XG: variants seen among roughly 807,000 people sequenced by gnomAD.
The protein encoded by XG is glycoprotein Xg.
In XG, 24 loss-of-function variants were observed where a neutral mutation model predicts 25.7. The observed-to-expected ratio is 0.93, with a 90% CI of 0.68 to 1.31. The LOEUF (loss-of-function observed/expected upper bound fraction) is 1.31, where lower values mean the gene tolerates loss of function less well. Among genes scored for constraint, XG ranks in the 40% most tolerant of loss-of-function variants. The pLI, the probability that XG is intolerant of heterozygous loss-of-function variation, is 0.00. For missense variants in XG, 181 were observed against 187.6 expected (o/e 0.96, Z 0.21); for synonymous variants, 77 against 69.2 (o/e 1.11, Z -0.56).
In XG at chrX:2,752,302, C is replaced by CT; in HGVS notation, c.30dup (p.Ala11CysfsTer16). ...GGAGAGCTGGTGGGGACTTCCCTGT[C>CT]TTGCGTTCCTGTGTTTTCTAATGCA... On this transcript the variant is annotated frameshift_variant, in exon 1 of 11. Transcript: ENST00000644266. LOFTEE classifies it high-confidence loss of function. The CT allele has an allele frequency of 1.2e-6, 2 of 1,613,778 alleles. No homozygotes were observed. The highest frequency in any genetic ancestry group is 1.7e-4 in the Middle Eastern group (1 of 5,934).
In XG at chrX:2,811,401, G is replaced by A; in HGVS notation, c.520G>A (p.Ala174Thr). The A allele has an allele frequency of 8.3e-7, 1 of 1,206,675 alleles. No individual in the cohort carries two copies. The highest frequency in any genetic ancestry group is 1.1e-6 in the Non-Finnish European group (1 of 893,111). The change falls in exon 10 of 11, where the codon GCA becomes ACA. Residue 174 changes from alanine to threonine, a missense_variant. Ala to Thr is a moderately conservative substitution (Grantham distance 58). Coordinates refer to ENST00000644266, the MANE Select transcript of XG (RefSeq NM_001141919.2). ...SVVVVTLLGA[A>T]ASYFKLNNRR... ...GGTGGTGGTGACACTGCTGGGAGCAGCAGCCAGTTATTTCAAACTAAACAA... is the reference window on the plus strand; with the variant it reads ...GGTGGTGGTGACACTGCTGGGAGCAACAGCCAGTTATTTCAAACTAAACAA...
intron 1 of XG, among the ~76,000 whole-genome samples, chrX:2,768,664 C>T (rs1365133298): frequency 3.9e-5 from 6 of 152,092 alleles, no homozygotes; most frequent in Non-Finnish European, 5.9e-5. Flanking sequence ...GTTACTCAGA[C>T]GGCTGAGGCA....
At chrX:2,788,084 AAGAG>A (rs753639185) in intron 4 of XG, among the ~76,000 whole-genome samples, 25 of 103,861 alleles carry the variant, frequency 2.4e-4, no homozygotes, top group Non-Finnish European at 5.7e-5. Context: ...ACCCTGTCTC[AAGAG>A]AGAGAGAAAG....
intron 3 of XG, among the ~76,000 whole-genome samples, chrX:2,780,850 T>C (rs773174343): frequency 6.6e-6 from 1 of 152,258 alleles, no homozygotes; most frequent in East Asian, 1.9e-4. Context: ...TTGCCTTCTT[T>C]TGAGTTTCTG....
chrX:2,755,733 A>T (rs985459889), intron 1 of XG, among the ~76,000 whole-genome samples: 1 of 152,112 alleles, frequency 6.6e-6, no homozygotes, highest in Non-Finnish European at 1.5e-5. Flanking sequence ...AAATAAGATG[A>T]TGTACATGCA....
rs552108688 is a variant in XG, at chrX:2,761,521, C to T, written c.62-9029C>T. Among the ~76,000 whole-genome samples, 30 of 151,278 alleles carry T rather than the reference C, an allele frequency of 2.0e-4. 1 individual carries two copies. The highest frequency in any genetic ancestry group is 6.3e-4 in the African/African-American group (26 of 41,160). ...AGACATGCACATAGAGGGATGACCA[C>T]GTGGGGACACAGGGAGAAGATGGTG... On this transcript the variant is annotated intron_variant, in intron 1 of 10. Transcript: ENST00000644266.
rs757914042 is a variant in XG at position 2,811,105 on chromosome X, G to GT, written c.455-222dup. On this transcript the variant is annotated intron_variant, in intron 9 of 10. Coordinates refer to ENST00000644266, the MANE Select transcript of XG (RefSeq NM_001141919.2). ...TGTGAAAACAGAATTACTTCCTAAG[G>GT]TTTTTTTTTCTTTTTTTTTAAATTA... Among the ~76,000 whole-genome samples the GT allele has an allele frequency of 1.4e-4, 12 of 86,750 alleles. No individual in the cohort carries two copies. The East Asian group carries it at 2.2e-3, about 16-fold the overall frequency. The allele number at this position is 86,750 out of a possible 115,157, so 75.3% of individuals were successfully genotyped here. A position where few individuals can be genotyped will look rare whatever the true frequency, so the allele number is the denominator to read the frequency against.
intron 7 of XG, among the ~76,000 whole-genome samples, chrX:2,801,514 C>A (rs1343253436): frequency 3.6e-5 from 4 of 110,082 alleles, no homozygotes; most frequent in Non-Finnish European, 7.6e-5. Flanking sequence ...GTGGCCCCAC[C>A]CTAATTTTGT....
chrX:2,770,742 G>A, intron 2 of XG, 151 bp downstream of exon 2: 1 of 859,916 alleles, frequency 1.2e-6, no homozygotes. Context: ...CAGACACCTT[G>A]AGACAAACCT....
At chrX:2,806,172 A>G (rs2086995097) in intron 7 of XG, among the ~76,000 whole-genome samples, 1 of 109,161 alleles carries the variant, frequency 9.2e-6, no homozygotes, top group Non-Finnish European at 1.9e-5. Context: ...AGCTGAGACT[A>G]CAGGTGCACA....
rs755705840 is a variant in XG at position 2,766,726 on chromosome X, G to A, written c.62-3824G>A. Among the ~76,000 whole-genome samples the A allele has an allele frequency of 1.7e-4, 25 of 149,718 alleles. 1 individual carries two copies. Among genetic ancestry groups the A allele is most frequent in the South Asian group, 1.5e-3 (7 of 4,686 alleles). ...ACTACAGGCGCCCGCCACCACACCC[G>A]GCTAATTTTTTTGTATTTTTACTAG... On this transcript the variant is annotated intron_variant, in intron 1 of 10. Transcript: ENST00000644266.
At position 2,761,091 on chromosome X, in the gene XG, T is replaced by C. The variant is rs2050555774; in HGVS notation, c.61+8756T>C. On this transcript the variant is annotated intron_variant, in intron 1 of 10. Coordinates refer to ENST00000644266, the MANE Select transcript of XG (RefSeq NM_001141919.2). ...ATGAGTTACCTCTGTAAGGGTTGAATTGTGCGTCTCCAAAATTTATATATT... is the reference window on the plus strand; with the variant it reads ...ATGAGTTACCTCTGTAAGGGTTGAACTGTGCGTCTCCAAAATTTATATATT... Among the ~76,000 whole-genome samples, 3 of 152,294 alleles carry C rather than the reference T, an allele frequency of 2.0e-5. No individual in the cohort carries two copies. The South Asian group carries it at 6.2e-4, about 32-fold the overall frequency.
At chrX:2,811,159 G>A (rs753760452) in intron 9 of XG, among the ~76,000 whole-genome samples, 177 bp from the exon 10 acceptor site, 2 of 109,461 alleles carry the variant, frequency 1.8e-5, no homozygotes, top group Non-Finnish European at 3.8e-5. Flanking sequence ...GTGAATACAA[G>A]GGTGGGAAGG....
chrX:2,795,116 T>C (rs1010845992), intron 6 of XG, among the ~76,000 whole-genome samples: 2 of 109,672 alleles, frequency 1.8e-5, no homozygotes, highest in African/African-American at 6.6e-5. Context: ...TTTCTCTGTT[T>C]TTATATATGT....
At chrX:2,783,773 G>T (rs754160912) in intron 4 of XG, among the ~76,000 whole-genome samples, 1 of 112,546 alleles carries the variant, frequency 8.9e-6, no homozygotes, top group African/African-American at 3.2e-5. Flanking sequence ...TCAGGAGCTC[G>T]AGACCAGCCT....
chrX:2,777,563 C>T (rs1270419461), intron 3 of XG, among the ~76,000 whole-genome samples: 1 of 151,654 alleles, frequency 6.6e-6, no homozygotes, highest in Non-Finnish European at 1.5e-5. Flanking sequence ...ACTGCACTTC[C>T]GCCTGGGTGG....
intron 8 of XG, among the ~76,000 whole-genome samples, chrX:2,807,448 GTGTT>G (rs1385716246): frequency 2.9e-4 from 33 of 113,041 alleles, no homozygotes; most frequent in African/African-American, 8.7e-4. Flanking sequence ...ACACATGAAT[GTGTT>G]TGTGTGTGCA....
chrX:2,776,836 G>GA (rs1274950435), intron 3 of XG, among the ~76,000 whole-genome samples: 1 of 147,804 alleles, frequency 6.8e-6, no homozygotes, highest in African/African-American at 2.6e-5. Context: ...GACAGAGCGA[G>GA]ACTCCGTCTC....
chrX:2,795,655 T>A (rs1396930289), intron 6 of XG, among the ~76,000 whole-genome samples: 42 of 110,121 alleles, frequency 3.8e-4, no homozygotes, highest in African/African-American at 1.2e-3. Flanking sequence ...TACATATCTT[T>A]TGTATTTATT....
Sources: gnomAD v4.1 joint callset for allele counts (sites outside exome capture counted in the v4.1 genomes callset) on GRCh38, gnomAD v4.1.1 for gene constraint, MANE v1.5 for transcripts, NCBI Gene and HGNC (gene_info 2026-07-23, HGNC 2026-07-21) for gene names.